The following LINS1 variants were observed in gnomAD, a reference collection of about 807,000 sequenced individuals.
LINS1 encodes the protein lines homolog 1.
In LINS1, 27 loss-of-function variants were observed where a neutral mutation model predicts 41.6. The observed-to-expected ratio is 0.65, with a 90% CI of 0.48 to 0.89. LINS1 has a LOEUF of 0.89. Ranked by LOEUF, LINS1 falls within the 40% of genes least tolerant of loss-of-function variation. The probability of loss-of-function intolerance (pLI) is 0.00; values close to 1 mark genes in which losing one functional copy is unlikely to be tolerated. For synonymous variants in LINS1, 336 were observed against 312.9 expected (o/e 1.07, Z -0.78); for missense variants, 955 against 884.1 (o/e 1.08, Z -1.02).
rs115753438 is a variant in LINS1, at chr15:100,567,835, C to T, written c.*1403G>A. The stretch of plus-strand genomic sequence containing the variant: ...ACTGGTACTTCGCTGTTATTTTAAT[C>T]GGCAACCTTCTATTTAGCTCCACTG... On this transcript the variant is annotated 3_prime_UTR_variant, in exon 7 of 7. Transcript: ENST00000314742. 2 of 152,152 alleles carry T rather than the reference C, an allele frequency of 1.3e-5. No homozygotes were observed. The highest frequency in any genetic ancestry group is 2.9e-5 in the Non-Finnish European group (2 of 68,030). 9.4% of individuals were successfully genotyped at this position (152,152 alleles called of 1,614,324 possible). A position where few individuals can be genotyped will look rare whatever the true frequency, so the allele number is the denominator to read the frequency against.
intron 3 of LINS1, among the ~76,000 whole-genome samples, chr15:100,575,616 G>A (rs1314936996): frequency 6.6e-6 from 1 of 152,122 alleles, no homozygotes; most frequent in African/African-American, 2.4e-5. Context: ...ACAGAACAAC[G>A]AGACAGAAAG....
At chr15:100,571,847 T>C in intron 6 of LINS1, 47 bp downstream of exon 6, 1 of 1,605,556 alleles carries the variant, frequency 6.2e-7, no homozygotes, top group Non-Finnish European at 8.5e-7. Flanking sequence ...TGTTTTCTGC[T>C]TTCCTGACTT....
intron 1 of LINS1, among the ~76,000 whole-genome samples, chr15:100,601,241 T>C (rs1360339412): frequency 1.3e-5 from 2 of 152,194 alleles, no homozygotes; most frequent in African/African-American, 4.8e-5. Context: ...CTCGGTAATT[T>C]ATAAAGAAAA....
At chr15:100,576,548 A>C (rs968916580) in intron 3 of LINS1, 1 of 152,232 alleles carries the variant, frequency 6.6e-6, no homozygotes, top group African/African-American at 2.4e-5. Context: ...TACCAACCAA[A>C]AAAAGCCCAG....
In LINS1 at chr15:100,572,028, G is replaced by T; in HGVS notation, c.1260C>A (p.Phe420Leu). 6.2e-7 allele frequency: 1 copy of T among 1,614,158 alleles called. No individual in the cohort carries two copies. Among genetic ancestry groups the T allele is most frequent in the Non-Finnish European group, 8.5e-7 (1 of 1,180,026 alleles). Reference sequence around the variant, plus strand: ...GAGAGGGCTGAAGATGAGGCTTTAAGAAGGTCAGTAACTCAGACATGAACC... The same window carrying T: ...GAGAGGGCTGAAGATGAGGCTTTAATAAGGTCAGTAACTCAGACATGAACC... ...LQRFMSELLT[F>L]LKPHLQPSLQ... The change falls in exon 6 of 7, where the codon TTC becomes TTA. Residue 420 changes from phenylalanine to leucine, a missense_variant. Coordinates refer to ENST00000314742, the MANE Select transcript of LINS1 (RefSeq NM_001040616.3).
intron 1 of LINS1, among the ~76,000 whole-genome samples, chr15:100,598,171 T>G (rs936889286): frequency 2.0e-5 from 3 of 152,210 alleles, no homozygotes; most frequent in East Asian, 3.9e-4. Context: ...TAACGATTTG[T>G]GCAATGATTT....
intron 1 of LINS1, among the ~76,000 whole-genome samples, chr15:100,589,150 G>A (rs751118082): frequency 2.0e-4 from 30 of 152,174 alleles, no homozygotes; most frequent in Non-Finnish European, 3.4e-4. Flanking sequence ...ACATGTAACT[G>A]AGACTACTGA....
chr15:100,588,858 A>C (rs767904275), intron 1 of LINS1, among the ~76,000 whole-genome samples: 6 of 152,244 alleles, frequency 3.9e-5, no homozygotes, highest in Non-Finnish European at 8.8e-5. Context: ...AAGTCATGAA[A>C]TAATTTATGA....
intron 1 of LINS1, among the ~76,000 whole-genome samples, chr15:100,599,139 T>C (rs1165419462): frequency 6.6e-6 from 1 of 152,238 alleles, no homozygotes; most frequent in Non-Finnish European, 1.5e-5. Flanking sequence ...TGAATACTTA[T>C]CCCAAATTAT....
chr15:100,571,868 C>T, intron 6 of LINS1, 26 bp downstream of exon 6: 1 of 1,613,576 alleles, frequency 6.2e-7, no homozygotes, highest in Non-Finnish European at 8.5e-7. Flanking sequence ...GTAGGCCGTT[C>T]AATAATTACT....
chr15:100,575,003 T>C lies in LINS1; in HGVS notation c.615A>G (p.Ser205=), dbSNP rs148622636. Reference sequence around the variant, plus strand: ...AATCCATACCTGTTTTCTGTGAACATGAATCTTTAAAGATTTCTTTTATTA... The same window carrying C: ...AATCCATACCTGTTTTCTGTGAACACGAATCTTTAAAGATTTCTTTTATTA... The part of the protein sequence containing the change: ...TAIIKEIFKD[S]CSQKTEILKQ... Residue 205 remains serine (S), a synonymous_variant, in exon 4 of 7, where the codon TCA becomes TCG. Coordinates refer to ENST00000314742, the MANE Select transcript of LINS1 (RefSeq NM_001040616.3). 1.4e-4 allele frequency: 233 copies of C among 1,612,810 alleles called. 1 individual carries two copies. The African/African-American group carries it at 2.5e-3, about 17-fold the overall frequency.
At chr15:100,595,649 A>G (rs1184667397) in intron 1 of LINS1, among the ~76,000 whole-genome samples, 1 of 152,234 alleles carries the variant, frequency 6.6e-6, no homozygotes, top group Non-Finnish European at 1.5e-5. Flanking sequence ...GAATACAAAA[A>G]TAATCTATTT....
intron 1 of LINS1, among the ~76,000 whole-genome samples, chr15:100,581,568 C>T (rs1012974282): frequency 1.3e-5 from 2 of 152,164 alleles, no homozygotes; most frequent in African/African-American, 4.8e-5. Context: ...ACATCAGAAG[C>T]AGCAAGTAGT....
In LINS1 at chr15:100,569,313, T is replaced by C; in HGVS notation, c.2199A>G (p.Pro733=). Residue 733 remains proline, a synonymous_variant, in exon 7 of 7, where the codon CCA becomes CCG. Coordinates refer to ENST00000314742, the MANE Select transcript of LINS1 (RefSeq NM_001040616.3). ...ACTTCAAAAGTGCAGTTGGATTATA[T>C]GGGAAAAGATTTTTCTTTTGCAAAC... ...ICRLQKKNLF[P]YNPTALLKLL... 1 of 1,613,670 alleles carries C rather than the reference T, an allele frequency of 6.2e-7. No individual in the cohort carries two copies. Among genetic ancestry groups the C allele is most frequent in the Non-Finnish European group, 8.5e-7 (1 of 1,179,556 alleles).
At chr15:100,591,864 C>T (rs182633389) in intron 1 of LINS1, among the ~76,000 whole-genome samples, 3 of 152,300 alleles carry the variant, frequency 2.0e-5, no homozygotes, top group Admixed American at 2.0e-4. Flanking sequence ...GAAGCAGTTA[C>T]AGAAGATAGA....
At chr15:100,579,319 G>C (rs938236354) in intron 3 of LINS1, among the ~76,000 whole-genome samples, 5 of 151,550 alleles carry the variant, frequency 3.3e-5, no homozygotes, top group African/African-American at 1.2e-4. Context: ...TAACAATTCA[G>C]ATTACTACTG....
At chr15:100,594,636 T>C (rs530722807) in intron 1 of LINS1, among the ~76,000 whole-genome samples, 2 of 152,354 alleles carry the variant, frequency 1.3e-5, no homozygotes, top group Admixed American at 1.3e-4. Context: ...ACTTAAAATA[T>C]TTGACACGGT....
chr15:100,587,332 G>A (rs2038854596), intron 1 of LINS1, among the ~76,000 whole-genome samples: 1 of 152,068 alleles, frequency 6.6e-6, no homozygotes, highest in Admixed American at 6.6e-5. Context: ...TATAGGTCAT[G>A]TGCCTAGAGT....
chr15:100,580,708 G>A lies in LINS1; in HGVS notation c.135C>T (p.Thr45=), dbSNP rs2038495510. 4.3e-6 allele frequency: 7 copies of A among 1,613,298 alleles called. No homozygotes were observed. In the African/African-American group the frequency reaches 5.3e-5, roughly 12 times the overall value. The part of the protein sequence containing the change: ...AVSDQDCSTA[T]SLEWANTCGI... ...CACAGGTGTTTGCCCATTCTAAGGA[G>A]GTGGCTGTAGAACAATCTTGATCTG... Residue 45 remains threonine (T), a synonymous_variant, in exon 2 of 7, where the codon ACC becomes ACT. Coordinates refer to ENST00000314742, the MANE Select transcript of LINS1 (RefSeq NM_001040616.3).
Sources: gnomAD v4.1 joint callset for allele counts (sites outside exome capture counted in the v4.1 genomes callset) on GRCh38, gnomAD v4.1.1 for gene constraint, MANE v1.5 for transcripts, NCBI Gene and HGNC (gene_info 2026-07-23, HGNC 2026-07-21) for gene names.